Variants in JMY observed in about 807,000 individuals in gnomAD.
JMY encodes the protein junction mediating and regulatory protein, p53 cofactor, also known as junction-mediating and -regulatory protein.
Under a neutral mutation model 103.3 loss-of-function variants are expected in JMY, and 46 were observed. That is an observed-to-expected ratio of 0.45 (90% CI 0.35 to 0.57). JMY has a LOEUF of 0.57. Ranked by LOEUF, JMY falls within the 20% of genes least tolerant of loss-of-function variation. JMY has a pLI of 0.00. For missense variants in JMY, 1,238 were observed against 1,255.2 expected, an observed-to-expected ratio of 0.99 and a Z score of 0.21; for synonymous variants, 526 against 489.3, an observed-to-expected ratio of 1.07 and a Z score of -0.99.
chr5:79,284,499 A>C, intron 2 of JMY: 2 of 1,588,248 alleles, frequency 1.3e-6, no homozygotes, highest in Non-Finnish European at 1.7e-6. Context: ...TTTTTAGTAA[A>C]ACCAACACAG....
intron 2 of JMY, among the ~76,000 whole-genome samples, chr5:79,288,669 CT>C (rs111459641): frequency 9.6e-4 from 141 of 147,320 alleles, no homozygotes; most frequent in Non-Finnish European, 1.6e-3. Context: ...TCACTCATGA[CT>C]TTTTTTTTTG....
At chr5:79,320,240 G>C (rs1747407071) in intron 10 of JMY, among the ~76,000 whole-genome samples, 1 of 152,114 alleles carries the variant, frequency 6.6e-6, no homozygotes, top group African/African-American at 2.4e-5. Flanking sequence ...AAGTAGCTGG[G>C]CGTGGTGGCT....
chr5:79,247,848 TTATTTTATTTTTTA>T (rs1415904333), intron 1 of JMY, among the ~76,000 whole-genome samples: 8 of 150,374 alleles, frequency 5.3e-5, no homozygotes, highest in African/African-American at 1.9e-4. Flanking sequence ...TTATTTTATT[TTATTTTATTTTTTA>T]TATTTTATTT....
At chr5:79,253,017 A>G (rs1561290541) in intron 1 of JMY, among the ~76,000 whole-genome samples, 1 of 151,470 alleles carries the variant, frequency 6.6e-6, no homozygotes, top group Admixed American at 6.6e-5. Flanking sequence ...ATTGAAGGTG[A>G]TTTTTTCTGG....
At chr5:79,256,978 A>G (rs1257371220) in intron 1 of JMY, among the ~76,000 whole-genome samples, 1 of 149,344 alleles carries the variant, frequency 6.7e-6, no homozygotes, top group Non-Finnish European at 1.5e-5. Context: ...ACACAGTCCT[A>G]TTTTTGCTCC....
chr5:79,257,234 G>A (rs1188195505), intron 1 of JMY, among the ~76,000 whole-genome samples: 3 of 151,786 alleles, frequency 2.0e-5, no homozygotes, highest in East Asian at 1.9e-4. Context: ...TACCATGCCC[G>A]GCTAAGTTCC....
At chr5:79,272,569 C>T (rs1055995863) in intron 1 of JMY, among the ~76,000 whole-genome samples, 2 of 151,986 alleles carry the variant, frequency 1.3e-5, no homozygotes, top group African/African-American at 4.8e-5. Flanking sequence ...AGCATACCTT[C>T]TTAAATTATT....
At chr5:79,286,639 TAA>T (rs58505099) in intron 2 of JMY, among the ~76,000 whole-genome samples, 8 of 135,086 alleles carry the variant, frequency 5.9e-5, no homozygotes, top group South Asian at 4.7e-4. Context: ...CAAGACTCCA[TAA>T]AAAAAAAAAA....
chr5:79,315,388 C>A (rs1229764628), intron 9 of JMY, among the ~76,000 whole-genome samples: 1 of 151,976 alleles, frequency 6.6e-6, no homozygotes, highest in East Asian at 1.9e-4. Context: ...AAGAGAGATT[C>A]AAGCACAAAT....
intron 1 of JMY, among the ~76,000 whole-genome samples, chr5:79,241,600 C>T (rs1363972923): frequency 6.6e-6 from 1 of 151,984 alleles, no homozygotes; most frequent in African/African-American, 2.4e-5. Context: ...GGCGTCCTGC[C>T]GAGTTTTATA....
chr5:79,314,757 C>A lies in JMY; in HGVS notation c.2565C>A (p.Ala855=), dbSNP rs373623436. The change falls in exon 9 of 11, where the codon GCC becomes GCA. Residue 855 remains alanine, a synonymous_variant. Coordinates refer to ENST00000396137, the MANE Select transcript of JMY (RefSeq NM_152405.5). The stretch of plus-strand genomic sequence containing the variant: ...ATGAGAAGAGGATCCCAAAGTCAGC[C>A]AGTGCCCCCTCAGCACACCTCTTTG... ...EGNEKRIPKS[A]SAPSAHLFDS... The A allele has an allele frequency of 1.9e-6, 3 of 1,613,440 alleles. No homozygotes were observed. In the African/African-American group the frequency reaches 4.0e-5, roughly 22 times the overall value.
At chr5:79,316,420 C>T (rs574787989) in intron 10 of JMY, 110 bp downstream of exon 10, 1 of 776,490 alleles carries the variant, frequency 1.3e-6, no homozygotes, top group South Asian at 2.3e-5. Context: ...TGTTTTATAA[C>T]CCAATTTTAG....
chr5:79,291,474 C>T (rs16876619), intron 4 of JMY, among the ~76,000 whole-genome samples, 175 bp downstream of exon 4: 48,381 of 152,050 alleles, frequency 0.32, 7,784 homozygotes, highest in African/African-American at 0.35. Context: ...TTAGACGTAG[C>T]GTATTTCACA....
chr5:79,242,816 C>T lies in JMY; in HGVS notation c.1032+5134C>T, dbSNP rs143493733. On this transcript the variant is annotated intron_variant, in intron 1 of 10. Coordinates refer to ENST00000396137, the MANE Select transcript of JMY (RefSeq NM_152405.5). ...TTTTTTTTTTAAAGACAGTGTCTCA[C>T]TCTGTTGCCCAGGCTGGAGTACAAT... Among the ~76,000 whole-genome samples the T allele has an allele frequency of 6.0e-3, 901 of 149,862 alleles. 9 individuals are homozygous for T. The highest frequency in any genetic ancestry group is 0.021 in the African/African-American group (858 of 40,554).
chr5:79,254,735 C>T (rs1317472632), intron 1 of JMY, among the ~76,000 whole-genome samples: 1 of 152,090 alleles, frequency 6.6e-6, no homozygotes, highest in Admixed American at 6.6e-5. Context: ...AATAAACTTT[C>T]TACCCCATCT....
Position 79,300,251 on chromosome 5 carries a change from T to G in JMY, c.1626T>G (p.Phe542Leu), listed in dbSNP as rs993088480. The change falls in exon 5 of 11, where the codon TTT (phenylalanine) becomes TTG (leucine). Residue 542 changes from phenylalanine to leucine, a missense_variant. Coordinates refer to ENST00000396137, the MANE Select transcript of JMY (RefSeq NM_152405.5). ...DLQLQLYEVQ[F>L]EILKCEELLL... ...AACTTCAGTTGTATGAAGTACAGTT[T>G]GAAATCTTGAAGTGTGAAGAGTTAC... is the stretch of plus-strand genomic sequence containing the variant. 4 of 1,603,394 alleles carry G rather than the reference T, an allele frequency of 2.5e-6. No individual in the cohort carries two copies. The highest frequency in any genetic ancestry group is 2.6e-6 in the Non-Finnish European group (3 of 1,176,160).
At chr5:79,310,816 T>C (rs1485319267) in intron 7 of JMY, among the ~76,000 whole-genome samples, 1 of 152,208 alleles carries the variant, frequency 6.6e-6, no homozygotes, top group Non-Finnish European at 1.5e-5. Context: ...TGAACTCTTA[T>C]TTTTTGTAAG....
chr5:79,263,656 G>A (rs2112068564), intron 1 of JMY, among the ~76,000 whole-genome samples: 1 of 151,996 alleles, frequency 6.6e-6, no homozygotes. Context: ...TGGGATTGTA[G>A]GTGTGAGCCA....
Position 79,288,285 on chromosome 5 carries a change from A to C in JMY, c.1207-1836A>C, listed in dbSNP as rs1746324692. ...GCTGGACTGCTTTCCATCCCTTAGC[A>C]GGCACAAAAATTTTTAGGCTTTTGC... On this transcript the variant is annotated intron_variant, in intron 2 of 10. Transcript: ENST00000396137. 2.0e-5 allele frequency among the ~76,000 whole-genome samples: 3 copies of C among 152,142 alleles called. No individual in the cohort carries two copies. The South Asian group carries it at 6.2e-4, about 32-fold the overall frequency.
Sources: allele counts gnomAD v4.1 joint callset (sites outside exome capture counted in the v4.1 genomes callset), GRCh38; gene constraint gnomAD v4.1.1; transcripts MANE v1.5; gene names NCBI Gene and HGNC (gene_info 2026-07-23, HGNC 2026-07-21).